The following PDE4D variants were observed in gnomAD, a reference collection of about 807,000 sequenced individuals.
The protein encoded by PDE4D is phosphodiesterase 4D.
In PDE4D, 24 loss-of-function variants were observed where a neutral mutation model predicts 87.4. The observed-to-expected ratio is 0.27, with a 90% CI of 0.20 to 0.39. PDE4D has a LOEUF of 0.39. PDE4D is among the 10% of genes least tolerant of loss of function. The probability of loss-of-function intolerance (pLI) is 1.00; values close to 1 mark genes in which losing one functional copy is unlikely to be tolerated. For synonymous variants in PDE4D, 384 were observed against 383.2 expected, an observed-to-expected ratio of 1.00 and a Z score of -0.02; for missense variants, 714 against 1,041.0, an observed-to-expected ratio of 0.69 and a Z score of 4.32.
chr5:60,398,709 A>T (rs1275618548), intron 1 of PDE4D, among the ~76,000 whole-genome samples: 1 of 152,182 alleles, frequency 6.6e-6, no homozygotes, highest in African/African-American at 2.4e-5. Flanking sequence ...CTATAACAGG[A>T]ATTAGAATGA....
intron 2 of PDE4D, among the ~76,000 whole-genome samples, chr5:60,063,134 GAAAGAAAGA>G (rs1771644031): frequency 3.5e-5 from 5 of 142,124 alleles, no homozygotes; most frequent in Non-Finnish European, 7.7e-5. Flanking sequence ...AAGAAAGAAA[GAAAGAAAGA>G]AAGAAAGAAA....
chr5:59,800,363 C>T (rs1581168357), intron 1 of PDE4D, among the ~76,000 whole-genome samples: 1 of 152,102 alleles, frequency 6.6e-6, no homozygotes, highest in East Asian at 1.9e-4. Context: ...GTTTAATTTT[C>T]CCTTAGTATC....
chr5:60,416,561 A>T (rs963434956), intron 1 of PDE4D, among the ~76,000 whole-genome samples: 5 of 151,764 alleles, frequency 3.3e-5, no homozygotes, highest in Non-Finnish European at 7.4e-5. Flanking sequence ...TTCACTCCTG[A>T]GCCAGCAAGA....
intron 5 of PDE4D, among the ~76,000 whole-genome samples, chr5:59,152,189 C>T (rs1167751904): frequency 6.6e-6 from 1 of 152,082 alleles, no homozygotes; most frequent in African/African-American, 2.4e-5. Context: ...AATAATTTTA[C>T]CTACCTTATG....
intron 1 of PDE4D, among the ~76,000 whole-genome samples, chr5:59,781,784 CAAAAAAAAAAAAAAAA>C (rs58613622): frequency 7.5e-5 from 3 of 39,862 alleles, no homozygotes; most frequent in East Asian, 1.5e-3. Context: ...CACTCCATCT[CAAAAAAAAAAAAAAAA>C]AAAAAAAAAA....
chr5:59,485,331 G>A (rs892790635), intron 1 of PDE4D, among the ~76,000 whole-genome samples: 13 of 152,082 alleles, frequency 8.5e-5, no homozygotes, highest in Admixed American at 6.5e-4. Flanking sequence ...GTACGCCACC[G>A]TTATTTATTA....
intron 1 of PDE4D, among the ~76,000 whole-genome samples, chr5:59,392,196 AT>A (rs1462899596): frequency 6.6e-6 from 1 of 151,814 alleles, no homozygotes; most frequent in Non-Finnish European, 1.5e-5. Flanking sequence ...GCCAAAGAAG[AT>A]TAACATTTGA....
In PDE4D at chr5:59,481,523, G is replaced by A. The variant is rs144479983; in HGVS notation, c.456-265555C>T. ...TTAGACCCATGGAACCCTTCAAGTGGAAATCTCCATAATTTCTGACCCCTA... is the reference window on the plus strand; with the variant it reads ...TTAGACCCATGGAACCCTTCAAGTGAAAATCTCCATAATTTCTGACCCCTA... On this transcript the variant is annotated intron_variant, in intron 1 of 14. Transcript: ENST00000340635. Among the ~76,000 whole-genome samples, 180 of 152,148 alleles carry A rather than the reference G, an allele frequency of 1.2e-3. 5 individuals carry two copies. The East Asian group carries it at 0.026, about 22-fold the overall frequency.
At chr5:59,414,754 A>G (rs1793296742) in intron 1 of PDE4D, among the ~76,000 whole-genome samples, 1 of 152,216 alleles carries the variant, frequency 6.6e-6, no homozygotes, top group Non-Finnish European at 1.5e-5. Context: ...CAACAACAAA[A>G]TAGTCTGTGT....
At chr5:60,085,746 T>C (rs1229201849) in intron 2 of PDE4D, among the ~76,000 whole-genome samples, 1 of 152,224 alleles carries the variant, frequency 6.6e-6, no homozygotes, top group African/African-American at 2.4e-5. Context: ...TAATAAACTT[T>C]CATCATTTAT....
intron 1 of PDE4D, among the ~76,000 whole-genome samples, chr5:59,422,428 A>G (rs925271236): frequency 6.6e-6 from 1 of 152,124 alleles, no homozygotes; most frequent in African/African-American, 2.4e-5. Context: ...TAGATTGTTC[A>G]CCTTCTTTTG....
chr5:59,668,065 G>T (rs1201785671), intron 1 of PDE4D, among the ~76,000 whole-genome samples: 1 of 152,106 alleles, frequency 6.6e-6, no homozygotes, highest in African/African-American at 2.4e-5. Context: ...CCTTAAGACT[G>T]CATATAATGA....
rs954310414 is a variant in PDE4D at position 60,159,312 on chromosome 5, CT to C, written c.42+26244del. Among the ~76,000 whole-genome samples, 280 of 148,882 alleles carry C rather than the reference CT, an allele frequency of 1.9e-3. 1 individual carries two copies. Among genetic ancestry groups the C allele is most frequent in the African/African-American group, 6.2e-3 (254 of 40,686 alleles). On this transcript the variant is annotated intron_variant, in intron 2 of 16. Coordinates refer to the PDE4D transcript ENST00000502484. The stretch of plus-strand genomic sequence containing the variant: ...ATTCCTGAAGTTGTTTTATGGTTAA[CT>C]TTTTTTTTTGTAAGTAGGAGTACAC...
chr5:60,023,717 A>G (rs182345634), intron 2 of PDE4D, among the ~76,000 whole-genome samples: 193 of 152,284 alleles, frequency 1.3e-3, no homozygotes, highest in African/African-American at 4.4e-3. Flanking sequence ...CAACCTTAGA[A>G]GCAGAATAAT....
chr5:59,032,259 T>C (rs768949476), intron 6 of PDE4D, among the ~76,000 whole-genome samples: 1 of 152,116 alleles, frequency 6.6e-6, no homozygotes, highest in East Asian at 1.9e-4. Flanking sequence ...TAAAGATTAA[T>C]AAAAAATACA....
chr5:60,178,947 G>A (rs1784154399), intron 2 of PDE4D, among the ~76,000 whole-genome samples: 1 of 152,112 alleles, frequency 6.6e-6, no homozygotes, highest in African/African-American at 2.4e-5. Context: ...CAAATAGTTG[G>A]TGAGGGCTTA....
chr5:59,570,738 G>A (rs546864309), intron 1 of PDE4D, among the ~76,000 whole-genome samples: 8 of 152,060 alleles, frequency 5.3e-5, no homozygotes, highest in East Asian at 3.9e-4. Context: ...TGATATTATC[G>A]TTGTCTTTAA....
intron 9 of PDE4D, 53 bp from the exon 10 acceptor site, chr5:58,989,972 C>T: frequency 8.9e-7 from 1 of 1,128,398 alleles, no homozygotes; most frequent in East Asian, 2.5e-5. Context: ...AAAAATTTCT[C>T]CATAGAGTAT....
At chr5:59,715,391 C>T (rs1042879399) in intron 1 of PDE4D, among the ~76,000 whole-genome samples, 1 of 152,178 alleles carries the variant, frequency 6.6e-6, no homozygotes, top group Non-Finnish European at 1.5e-5. Flanking sequence ...GAAGGGCATC[C>T]CCCCCTATGC....
Sources: gnomAD v4.1 joint callset for allele counts (sites outside exome capture counted in the v4.1 genomes callset) on GRCh38, gnomAD v4.1.1 for gene constraint, MANE v1.5 for transcripts, NCBI Gene and HGNC (gene_info 2026-07-23, HGNC 2026-07-21) for gene names.